The following ATG2B variants were observed in gnomAD, a reference collection of about 807,000 sequenced individuals.
ATG2B encodes autophagy related 2B.
A neutral mutation model predicts 241.3 loss-of-function variants in ATG2B; 121 were observed. That is an observed-to-expected ratio of 0.50 (90% CI 0.43 to 0.58). ATG2B has a LOEUF of 0.58. Ranked by LOEUF, ATG2B falls within the 20% of genes least tolerant of loss-of-function variation. The pLI, the probability that ATG2B is intolerant of heterozygous loss-of-function variation, is 0.00. For missense variants in ATG2B, 2,306 were observed against 2,491.6 expected, an observed-to-expected ratio of 0.93 and a Z score of 1.59; for synonymous variants, 858 against 876.6, an observed-to-expected ratio of 0.98 and a Z score of 0.37.
At chr14:96,286,550 G>C (rs1386995970) in intron 41 of ATG2B, among the ~76,000 whole-genome samples, 2 of 152,154 alleles carry the variant, frequency 1.3e-5, no homozygotes, top group South Asian at 2.1e-4. Flanking sequence ...CAAAACTTTA[G>C]TAGCATTTTC....
At chr14:96,320,630 T>C (rs909940748) in intron 18 of ATG2B, among the ~76,000 whole-genome samples, 6 of 152,206 alleles carry the variant, frequency 3.9e-5, no homozygotes, top group Non-Finnish European at 5.9e-5. Context: ...GGTAAATAAA[T>C]ATACATTTAT....
chr14:96,295,727 CCA>C (rs59902412), intron 34 of ATG2B, among the ~76,000 whole-genome samples, 167 bp from the exon 35 acceptor site: 57 of 145,670 alleles, frequency 3.9e-4, no homozygotes, highest in Non-Finnish European at 5.3e-4. Context: ...CTTCCCCCCA[CCA>C]CACACACACA....
At position 96,290,459 on chromosome 14, in the gene ATG2B, T is replaced by C; in HGVS notation, c.5833A>G (p.Asn1945Asp). 2.5e-6 allele frequency: 4 copies of C among 1,614,214 alleles called. No homozygotes were observed. Among genetic ancestry groups the C allele is most frequent in the Non-Finnish European group, 3.4e-6 (4 of 1,180,022 alleles). ...STAMAALELT[N>D]RMVQTIQAAA... The stretch of plus-strand genomic sequence containing the variant: ...ACCTGTATGGTTTGAACCATTCTGT[T>C]TGTGAGTTCTAGAGCAGCCATCGCT... The change falls in exon 40 of 42, where the codon AAC becomes GAC. Residue 1945 changes from asparagine (N) to aspartate (D), a missense_variant. Coordinates refer to ENST00000359933, the MANE Select transcript of ATG2B (RefSeq NM_018036.7). This position sits in a 1 kb window ranked among gnomAD's most constrained non-coding sequence, Gnocchi z 4.4.
intron 6 of ATG2B, among the ~76,000 whole-genome samples, chr14:96,339,046 T>A (rs554661138): frequency 6.6e-6 from 1 of 152,132 alleles, no homozygotes; most frequent in South Asian, 2.1e-4. Context: ...TCACTAATCA[T>A]CAGGAAAATG....
In ATG2B at chr14:96,283,879, G is replaced by T. The variant is rs988844799; in HGVS notation, c.*1876C>A. 6.6e-6 allele frequency: 1 copy of T among 152,048 alleles called. No individual in the cohort carries two copies. Among genetic ancestry groups the T allele is most frequent in the Non-Finnish European group, 1.5e-5 (1 of 68,010 alleles). The allele number at this position is 152,048 out of a possible 1,614,324, so 9.4% of individuals were successfully genotyped here. A position where few individuals can be genotyped will look rare whatever the true frequency, so the allele number is the denominator to read the frequency against. On this transcript the variant is annotated 3_prime_UTR_variant, in exon 42 of 42. Transcript: ENST00000359933. ...GAGGGTAGAACAAAGAAAGAACCGC[G>T]GAGATTACATTACAAAGATATATGT...
chr14:96,328,701 A>G lies in ATG2B; in HGVS notation c.1947T>C (p.Tyr649=). ...SHSPVCLQLH[Y]KHSENRGPQG... is the part of the protein sequence containing the mutation. The stretch of plus-strand genomic sequence containing the variant: ...GGGGCCCTCTATTCTCAGAATGCTT[A>G]TAATGAAGCTGAAGACACACAGGGG... The change falls in exon 13 of 42, where the codon TAT becomes TAC. Residue 649 remains tyrosine, a synonymous_variant. Coordinates refer to ENST00000359933, the MANE Select transcript of ATG2B (RefSeq NM_018036.7). 6.2e-7 allele frequency: 1 copy of G among 1,611,348 alleles called. No homozygotes were observed. The highest frequency in any genetic ancestry group is 1.3e-5 in the African/African-American group (1 of 74,902).
intron 29 of ATG2B, among the ~76,000 whole-genome samples, chr14:96,308,268 A>ATATATATATATATATG (rs1887044190): frequency 6.5e-5 from 1 of 15,346 alleles, no homozygotes; most frequent in Non-Finnish European, 1.4e-4. Context: ...ATATATATAT[A>ATATATATATATATATG]TATATATATA....
At chr14:96,356,907 C>T (rs1489050698) in intron 1 of ATG2B, among the ~76,000 whole-genome samples, 1 of 152,054 alleles carries the variant, frequency 6.6e-6, no homozygotes, top group Non-Finnish European at 1.5e-5. Context: ...TGTAAAAGCA[C>T]CCACACAGTA....
intron 6 of ATG2B, among the ~76,000 whole-genome samples, chr14:96,340,641 G>A (rs558044307): frequency 6.6e-6 from 1 of 152,166 alleles, no homozygotes; most frequent in South Asian, 2.1e-4. Flanking sequence ...GTCCTGGTGA[G>A]GTGGCTCATG....
rs868064641 is a variant in ATG2B at position 96,363,171 on chromosome 14, G to A, written c.-195C>T. On this transcript the variant is annotated 5_prime_UTR_variant, in exon 1 of 42. Transcript: ENST00000359933. ...CTCGCGCTGGGCCTGGCGGAGGCAAGACGCAGAGGGGTCCTCCTGGCCCCA... is the reference window on the plus strand; with the variant it reads ...CTCGCGCTGGGCCTGGCGGAGGCAAAACGCAGAGGGGTCCTCCTGGCCCCA... The A allele has an allele frequency of 8.4e-6, 5 of 593,070 alleles. No homozygotes were observed. Among genetic ancestry groups the A allele is most frequent in the Non-Finnish European group, 1.5e-5 (5 of 338,194 alleles). The allele number at this position is 593,070 out of a possible 1,614,324, so 36.7% of individuals were successfully genotyped here.
chr14:96,353,883 TG>T (rs1458834868), intron 1 of ATG2B, among the ~76,000 whole-genome samples: 12 of 152,192 alleles, frequency 7.9e-5, no homozygotes, highest in Non-Finnish European at 1.5e-4. Context: ...AAAGACACGA[TG>T]TTAAATTTCC....
At chr14:96,330,379 T>C (rs747601446) in intron 11 of ATG2B, among the ~76,000 whole-genome samples, 3 of 152,240 alleles carry the variant, frequency 2.0e-5, no homozygotes, top group Non-Finnish European at 2.9e-5. Context: ...AAAATACTAA[T>C]ATATGATATG....
At chr14:96,338,349 T>A (rs1887920998) in intron 6 of ATG2B, among the ~76,000 whole-genome samples, 1 of 152,180 alleles carries the variant, frequency 6.6e-6, no homozygotes, top group Admixed American at 6.5e-5. Flanking sequence ...AAAGTGGGCA[T>A]CCTTGTCTTG....
rs764628109 is a variant in ATG2B at position 96,317,745 on chromosome 14, GTAT to G, written c.2987_2989del (p.Asn996del). 1.2e-6 allele frequency: 2 copies of G among 1,612,830 alleles called. No homozygotes were observed. Among genetic ancestry groups the G allele is most frequent in the Non-Finnish European group, 1.7e-6 (2 of 1,179,148 alleles). ...TGCACTAAAACTATCTTTGTTGAAA[GTAT>G]TAATGAGCTGACTGGCTACTGAAAG... is the stretch of plus-strand genomic sequence containing the variant. On this transcript the variant is annotated inframe_deletion, in exon 19 of 42. Transcript: ENST00000359933.
intron 31 of ATG2B, 44 bp from the exon 32 acceptor site, chr14:96,304,647 T>C: frequency 7.1e-7 from 1 of 1,416,254 alleles, no homozygotes; most frequent in South Asian, 1.2e-5. Context: ...GTTAAAGGAA[T>C]ATTCAAAGAA....
In ATG2B at chr14:96,325,802, G is replaced by A; in HGVS notation, c.2284C>T (p.Arg762Ter). The stretch of plus-strand genomic sequence containing the variant: ...CATGGTCCTCTTTCTTGATCAGATC[G>A]AAGATCAGGTATTGGGAAGCGAACA... ...LSVRFPIPDL[R>*]SDQERGPWFK... Residue 762 changes from arginine to a stop codon, truncating the protein, a stop_gained, in exon 15 of 42, where the codon CGA becomes TGA. Transcript: ENST00000359933. LOFTEE classifies it high-confidence loss of function. The A allele has an allele frequency of 1.9e-6, 3 of 1,613,948 alleles. No homozygotes were observed. The highest frequency in any genetic ancestry group is 2.5e-6 in the Non-Finnish European group (3 of 1,179,962).
At chr14:96,288,663 C>A (rs1313846130) in intron 41 of ATG2B, among the ~76,000 whole-genome samples, 1 of 152,174 alleles carries the variant, frequency 6.6e-6, no homozygotes, top group Non-Finnish European at 1.5e-5. Context: ...GCACGTCTGA[C>A]TGTTGTTAGA....
chr14:96,297,547 G>A (rs1377242001), intron 34 of ATG2B, among the ~76,000 whole-genome samples: 2 of 151,438 alleles, frequency 1.3e-5, no homozygotes, highest in Non-Finnish European at 2.9e-5. Flanking sequence ...ACAGGCACCC[G>A]CCACCAAGCC....
intron 41 of ATG2B, among the ~76,000 whole-genome samples, chr14:96,286,747 G>C (rs1293804086): frequency 6.6e-6 from 1 of 151,850 alleles, no homozygotes; most frequent in African/African-American, 2.4e-5. Context: ...GAAATCCCTA[G>C]GGAACTCAAA....
Sources: allele counts gnomAD v4.1 joint callset (sites outside exome capture counted in the v4.1 genomes callset), GRCh38; gene constraint gnomAD v4.1.1; non-coding constraint Gnocchi (gnomAD v3.1); transcripts MANE v1.5; gene names NCBI Gene and HGNC (gene_info 2026-07-23, HGNC 2026-07-21).